The following HPS5 variants were observed in gnomAD, a reference collection of about 807,000 sequenced individuals.
The protein encoded by HPS5 is BLOC-2 complex member HPS5.
In HPS5, 83 loss-of-function variants were observed where a neutral mutation model predicts 128.0. The observed-to-expected ratio is 0.65, with a 90% confidence interval of 0.54 to 0.78. The LOEUF (loss-of-function observed/expected upper bound fraction) is 0.78, where lower values mean the gene tolerates loss of function less well. Among genes scored for constraint, HPS5 ranks in the 30% least tolerant of loss-of-function variants. The pLI is 0.00. For synonymous variants in HPS5, 475 were observed against 470.2 expected, an observed-to-expected ratio of 1.01 and a Z score of -0.13; for missense variants, 1,281 against 1,326.2, an observed-to-expected ratio of 0.97 and a Z score of 0.53.
chr11:18,316,016 G>A (rs1270973867), intron 2 of HPS5, among the ~76,000 whole-genome samples: 1 of 152,172 alleles, frequency 6.6e-6, no homozygotes, highest in African/African-American at 2.4e-5. Flanking sequence ...CAGTGCTTTA[G>A]GGAAGCCAAA....
rs1356217315 is a variant in HPS5 at position 18,295,125 on chromosome 11, A to G, written c.1679T>C (p.Leu560Pro). The change falls in exon 14 of 23, where the codon CTT becomes CCT. Residue 560 changes from leucine to proline, a missense_variant. Coordinates refer to ENST00000349215, the MANE Select transcript of HPS5 (RefSeq NM_181507.2). ...VRKTTEKIGT[L>P]HTSPDLKVRP... is the part of the protein sequence containing the mutation. ...CACTTTCAGATCAGGGCTCGTGTGA[A>G]GGGTGCCAATCTTCTCAGTAGTTTT... 2 of 1,614,186 alleles carry G rather than the reference A, an allele frequency of 1.2e-6. No individual in the cohort carries two copies. Among genetic ancestry groups the G allele is most frequent in the South Asian group, 2.2e-5 (2 of 91,078 alleles).
At chr11:18,294,965 A>G in intron 14 of HPS5, 55 bp downstream of exon 14, 2 of 1,604,580 alleles carry the variant, frequency 1.2e-6, no homozygotes, top group Non-Finnish European at 1.7e-6. Context: ...TGGCTTTCTT[A>G]AAACTGACAG....
chr11:18,311,508 A>G, intron 3 of HPS5, 57 bp from the exon 4 acceptor site: 2 of 780,222 alleles, frequency 2.6e-6, no homozygotes, highest in South Asian at 2.3e-5. Context: ...TATTATTATT[A>G]TTATTTTTTT....
At chr11:18,289,617 G>A (rs930255696) in intron 16 of HPS5, among the ~76,000 whole-genome samples, 4 of 151,956 alleles carry the variant, frequency 2.6e-5, no homozygotes, top group Admixed American at 6.6e-5. Context: ...TGCTATATTT[G>A]AATTAAAGCA....
chr11:18,309,433 C>CTAG, intron 5 of HPS5, among the ~76,000 whole-genome samples: 1 of 152,262 alleles, frequency 6.6e-6, no homozygotes, highest in South Asian at 2.1e-4. Flanking sequence ...CTGCTTGAGC[C>CTAG]TAGGAGCTTG....
intron 2 of HPS5, 58 bp from the exon 3 acceptor site, chr11:18,312,082 T>G: frequency 7.7e-7 from 1 of 1,302,362 alleles, no homozygotes. Flanking sequence ...AAATAGACTA[T>G]CCACTGAAAA....
intron 14 of HPS5, among the ~76,000 whole-genome samples, chr11:18,294,166 C>A (rs141155417): frequency 1.3e-5 from 2 of 152,176 alleles, no homozygotes; most frequent in East Asian, 1.9e-4. Context: ...ACACAAGGAC[C>A]AGGCCACCAG....
At chr11:18,296,732 T>C (rs750707793) in intron 12 of HPS5, 66 bp downstream of exon 12, 8 of 1,397,822 alleles carry the variant, frequency 5.7e-6, no homozygotes, top group Admixed American at 3.3e-5. Flanking sequence ...AAGATAATCC[T>C]GGTAACAGGA....
intron 16 of HPS5, among the ~76,000 whole-genome samples, chr11:18,288,757 T>TGTGTGTGC (rs949761494): frequency 6.6e-6 from 1 of 151,746 alleles, no homozygotes; most frequent in African/African-American, 2.4e-5. Flanking sequence ...TGTGTGTGTG[T>TGTGTGTGC]GCAGCGACGG....
At chr11:18,298,654 T>G in intron 10 of HPS5, 138 bp downstream of exon 10, 1 of 819,352 alleles carries the variant, frequency 1.2e-6, no homozygotes, top group Non-Finnish European at 2.1e-6. Context: ...CTATCATGCT[T>G]TCTCTGGGCA....
At chr11:18,319,633 C>T (rs1034496210) in intron 1 of HPS5, among the ~76,000 whole-genome samples, 9 of 152,118 alleles carry the variant, frequency 5.9e-5, no homozygotes, top group African/African-American at 1.4e-4. Flanking sequence ...CTGAACTTAA[C>T]TTGGCAGGCA....
intron 16 of HPS5, among the ~76,000 whole-genome samples, chr11:18,290,042 G>C (rs1318233459): frequency 1.3e-5 from 2 of 152,164 alleles, no homozygotes; most frequent in Non-Finnish European, 2.9e-5. Context: ...GTGGCTATAT[G>C]ACAGAATTCT....
At chr11:18,315,324 T>C (rs930848520) in intron 2 of HPS5, among the ~76,000 whole-genome samples, 3 of 152,148 alleles carry the variant, frequency 2.0e-5, no homozygotes, top group Non-Finnish European at 2.9e-5. Flanking sequence ...GAAAGCTTCT[T>C]TCCAAAGTGG....
chr11:18,287,775 A>T, intron 17 of HPS5, 85 bp from the exon 18 acceptor site: 4 of 1,585,482 alleles, frequency 2.5e-6, no homozygotes, highest in Non-Finnish European at 3.5e-6. Context: ...ATTACAAATG[A>T]AAATAAATAT....
Position 18,287,532 on chromosome 11 carries a change from C to T in HPS5, c.2717+3G>A, listed in dbSNP as rs371514410. ...GAGTCTGCAAATATGCTCTCCTTCT[C>T]ACCGCTGATCTTCAGGCCTTGATTT... On this transcript the variant is annotated splice_donor_region_variant and intron_variant, in intron 18 of 22. Coordinates refer to ENST00000349215, the MANE Select transcript of HPS5 (RefSeq NM_181507.2). 2 of 1,614,090 alleles carry T rather than the reference C, an allele frequency of 1.2e-6. No homozygotes were observed. Among genetic ancestry groups the T allele is most frequent in the African/African-American group, 2.7e-5 (2 of 75,034 alleles).
intron 18 of HPS5, 61 bp downstream of exon 18, chr11:18,287,473 TA>T: frequency 6.4e-7 from 1 of 1,567,934 alleles, no homozygotes. Flanking sequence ...CACCTGCTTA[TA>T]AAAGAGAAAC....
intron 2 of HPS5, among the ~76,000 whole-genome samples, chr11:18,315,626 T>TAGAA (rs781072501): frequency 1.5e-4 from 22 of 144,756 alleles, no homozygotes; most frequent in South Asian, 4.4e-4. Flanking sequence ...AAAAAAAAAA[T>TAGAA]AGAAAGAAAG....
intron 6 of HPS5, among the ~76,000 whole-genome samples, chr11:18,307,004 T>C (rs762463526): frequency 1.7e-4 from 25 of 146,132 alleles, no homozygotes; most frequent in Non-Finnish European, 2.6e-4. Flanking sequence ...CAGAAACTTA[T>C]CATTCCTCCT....
intron 6 of HPS5, among the ~76,000 whole-genome samples, chr11:18,306,592 CA>C (rs1428533946): frequency 6.6e-6 from 1 of 152,162 alleles, no homozygotes; most frequent in African/African-American, 2.4e-5. Flanking sequence ...TTATTATCCA[CA>C]GAATAAGAGG....
Sources: allele counts gnomAD v4.1 joint callset (sites outside exome capture counted in the v4.1 genomes callset), GRCh38; gene constraint gnomAD v4.1.1; transcripts MANE v1.5; gene names NCBI Gene and HGNC (gene_info 2026-07-23, HGNC 2026-07-21).